Variants in CPLX1 observed in about 807,000 individuals in gnomAD.
CPLX1 encodes the protein complexin-1.
CPLX1 carries 6 observed loss-of-function variants against 15.6 expected under a neutral mutation model. That is an observed-to-expected ratio of 0.39 (90% CI 0.21 to 0.76). The LOEUF is 0.76. Among genes scored for constraint, CPLX1 ranks in the 30% least tolerant of loss-of-function variants. The pLI is 0.43. For missense variants in CPLX1, 242 were observed against 188.6 expected (o/e 1.28, Z -1.66); for synonymous variants, 91 against 75.2 (o/e 1.21, Z -1.08).
intron 2 of CPLX1, among the ~76,000 whole-genome samples, chr4:803,660 C>CA (rs1746502197): frequency 6.6e-6 from 1 of 152,120 alleles, no homozygotes; most frequent in South Asian, 2.1e-4. Flanking sequence ...GCTGGGATTA[C>CA]AGGCGTGAGC....
At chr4:795,698 C>A (rs1274912030) in intron 2 of CPLX1, among the ~76,000 whole-genome samples, 2 of 152,096 alleles carry the variant, frequency 1.3e-5, no homozygotes, top group Admixed American at 6.5e-5. Flanking sequence ...GCTGGCAACG[C>A]CCCCCACAGC....
chr4:814,302 T>A (rs1040658543), intron 2 of CPLX1, among the ~76,000 whole-genome samples: 2 of 152,152 alleles, frequency 1.3e-5, no homozygotes, highest in Non-Finnish European at 2.9e-5. Flanking sequence ...AACCTCTGCC[T>A]CCTGGGTTCA....
chr4:787,582 C>T lies in CPLX1; in HGVS notation c.208-884G>A, dbSNP rs527747004. On this transcript the variant is annotated intron_variant, in intron 3 of 3. Transcript: ENST00000304062. ...CCGGATGGGGGCGGGCATACGAAAG[C>T]GGAGGAGGTCGCGAGTGGTCAAGAA... 9.7e-5 allele frequency: 73 copies of T among 756,204 alleles called. No homozygotes were observed. The African/African-American group carries it at 1.3e-3, about 14-fold the overall frequency. 46.8% of individuals were successfully genotyped at this position (756,204 alleles called of 1,614,324 possible).
chr4:823,858 C>T (rs775219621), intron 2 of CPLX1, among the ~76,000 whole-genome samples: 2 of 152,264 alleles, frequency 1.3e-5, no homozygotes, highest in Non-Finnish European at 2.9e-5. Flanking sequence ...GGGGGCCTGG[C>T]CCCACCCCAG....
chr4:789,521 A>T (rs1359243636), intron 3 of CPLX1, among the ~76,000 whole-genome samples: 1 of 152,144 alleles, frequency 6.6e-6, no homozygotes, highest in Non-Finnish European at 1.5e-5. Context: ...GGGTAGGGGG[A>T]TGCAATGTAT....
chr4:791,826 G>A (rs1354017211), intron 3 of CPLX1, among the ~76,000 whole-genome samples: 2 of 152,150 alleles, frequency 1.3e-5, no homozygotes, highest in African/African-American at 4.8e-5. Context: ...GCTCACCCCT[G>A]GCTGGAGACT....
In CPLX1 at chr4:810,448, T is replaced by A. The variant is rs79822845; in HGVS notation, c.31+14044A>T. Among the ~76,000 whole-genome samples, 1,384 of 152,298 alleles carry A rather than the reference T, an allele frequency of 9.1e-3. 143 individuals are homozygous for A. In the East Asian group the frequency reaches 0.22, roughly 24 times the overall value. On this transcript the variant is annotated intron_variant, in intron 2 of 3. Coordinates refer to ENST00000304062, the MANE Select transcript of CPLX1 (RefSeq NM_006651.4). ...TTTGCTTTTTAAGAAACAGCCAAGC[T>A]GTTTTCCAGTGCGGTTGTGCCATTT...
At chr4:825,917 CCGGGAA>C in intron 1 of CPLX1, 123 bp downstream of exon 1, 1 of 119,490 alleles carries the variant, frequency 8.4e-6, no homozygotes, top group Non-Finnish European at 1.8e-5. Flanking sequence ...AGAAGGGGGG[CCGGGAA>C]GGAGAAACCG....
At chr4:821,465 G>A (rs1039649323) in intron 2 of CPLX1, among the ~76,000 whole-genome samples, 6 of 152,220 alleles carry the variant, frequency 3.9e-5, no homozygotes, top group East Asian at 1.9e-4. Context: ...TAAACAGGGC[G>A]TGTGTCACAT....
chr4:787,634 G>C (rs1202552998), intron 3 of CPLX1: 1 of 959,050 alleles, frequency 1.0e-6, no homozygotes, highest in African/African-American at 1.8e-5. Flanking sequence ...GCCGCCAGAC[G>C]CAGGAAGGGG....
chr4:820,378 G>T (rs545561440), intron 2 of CPLX1, among the ~76,000 whole-genome samples: 1 of 152,366 alleles, frequency 6.6e-6, no homozygotes, highest in South Asian at 2.1e-4. Flanking sequence ...AAACAGAGAA[G>T]GCTGAGCTTC....
At chr4:823,397 G>A (rs572775626) in intron 2 of CPLX1, among the ~76,000 whole-genome samples, 103 of 152,292 alleles carry the variant, frequency 6.8e-4, no homozygotes, top group Admixed American at 1.4e-3. Context: ...TGGGGGAAGC[G>A]GCGCCTGCCC....
intron 3 of CPLX1, among the ~76,000 whole-genome samples, chr4:789,605 G>A (rs1746107222): frequency 1.3e-5 from 2 of 152,180 alleles, no homozygotes; most frequent in Admixed American, 6.5e-5. Context: ...ATGGGTGGCT[G>A]GAAGCTTATG....
intron 3 of CPLX1, chr4:787,910 C>T (rs893020178): frequency 1.0e-6 from 1 of 985,266 alleles, no homozygotes; most frequent in Non-Finnish European, 1.2e-6. Context: ...GATTGGGGGC[C>T]TGGTGTTGTA....
intron 3 of CPLX1, among the ~76,000 whole-genome samples, chr4:790,181 T>G (rs13116062): frequency 0.31 from 47,813 of 152,056 alleles, 8,549 homozygotes; most frequent in African/African-American, 0.49. Context: ...GGGATCCACT[T>G]TGGCAGGGCC....
chr4:806,355 A>C (rs1378551442), intron 2 of CPLX1, among the ~76,000 whole-genome samples: 4 of 152,216 alleles, frequency 2.6e-5, no homozygotes, highest in African/African-American at 9.6e-5. Flanking sequence ...TCTGAAGAAA[A>C]TGGAAACTGG....
chr4:818,889 G>A (rs1746810572), intron 2 of CPLX1, among the ~76,000 whole-genome samples: 1 of 152,256 alleles, frequency 6.6e-6, no homozygotes, highest in Non-Finnish European at 1.5e-5. Flanking sequence ...GCTGGAGGGT[G>A]GGGCCTCGCC....
intron 2 of CPLX1, among the ~76,000 whole-genome samples, chr4:814,397 G>T (rs1181838253): frequency 6.6e-6 from 1 of 152,078 alleles, no homozygotes; most frequent in African/African-American, 2.4e-5. Flanking sequence ...ATTTTTAGTG[G>T]AGACCGGGTT....
chr4:822,486 T>C (rs1288337210), intron 2 of CPLX1, among the ~76,000 whole-genome samples: 2 of 152,212 alleles, frequency 1.3e-5, no homozygotes, highest in Non-Finnish European at 2.9e-5. Context: ...CTGTGCGTGC[T>C]GAATAACACA....
Sources: gnomAD v4.1 joint callset for allele counts (sites outside exome capture counted in the v4.1 genomes callset) on GRCh38, gnomAD v4.1.1 for gene constraint, MANE v1.5 for transcripts, NCBI Gene and HGNC (gene_info 2026-07-23, HGNC 2026-07-21) for gene names.